Variants in STARD13 observed in about 807,000 individuals in gnomAD.
STARD13 encodes the protein StAR related lipid transfer domain containing 13.
STARD13 carries 62 observed loss-of-function variants against 106.4 expected under a neutral mutation model. That is an observed-to-expected ratio of 0.58 (90% CI 0.48 to 0.72). STARD13 has a LOEUF of 0.72. Ranked by LOEUF, STARD13 falls within the 30% of genes least tolerant of loss-of-function variation. The pLI is 0.00. For synonymous variants in STARD13, 565 were observed against 553.0 expected (o/e 1.02, Z -0.31); for missense variants, 1,387 against 1,424.0 (o/e 0.97, Z 0.42).
chr13:33,379,806 C>T, the STARD13 span, among the ~76,000 whole-genome samples: 6 of 152,220 alleles, frequency 3.9e-5, no homozygotes, highest in Admixed American at 6.5e-5. Context: ...GGTTCACATG[C>T]TTGCTTAGTC....
intron 1 of STARD13, among the ~76,000 whole-genome samples, chr13:33,230,730 G>A (rs1264857538): frequency 2.6e-5 from 4 of 152,302 alleles, no homozygotes; most frequent in South Asian, 4.1e-4. Flanking sequence ...ATTATGACAC[G>A]TAAGGTCGGT....
chr13:33,294,776 T>C (rs1171103647), intron 1 of STARD13, among the ~76,000 whole-genome samples: 2 of 152,222 alleles, frequency 1.3e-5, no homozygotes, highest in African/African-American at 4.8e-5. Context: ...GGTAGGATTC[T>C]ATAACCTCCT....
chr13:33,190,628 C>T (rs556422887), intron 1 of STARD13, among the ~76,000 whole-genome samples: 1 of 148,592 alleles, frequency 6.7e-6, no homozygotes, highest in African/African-American at 2.5e-5. Context: ...ACTCTATTGC[C>T]TAGGCTGGAG....
At chr13:33,342,222 C>A (rs2077968959) in intron 1 of STARD13, among the ~76,000 whole-genome samples, 1 of 152,146 alleles carries the variant, frequency 6.6e-6, no homozygotes, top group Non-Finnish European at 1.5e-5. Flanking sequence ...TTGGAAAAAT[C>A]AATATGCACA....
intron 1 of STARD13, among the ~76,000 whole-genome samples, chr13:33,232,099 G>A (rs1349740722): frequency 1.3e-5 from 2 of 152,170 alleles, no homozygotes; most frequent in Non-Finnish European, 2.9e-5. Flanking sequence ...GATCACCTTA[G>A]GTCAGGAGTT....
the STARD13 span, among the ~76,000 whole-genome samples, chr13:33,628,599 C>G: frequency 6.6e-6 from 1 of 152,190 alleles, no homozygotes; most frequent in Non-Finnish European, 1.5e-5. Flanking sequence ...AATCAAATCT[C>G]TTTGAAGGAC....
chr13:33,197,562 A>G (rs1473477167), intron 1 of STARD13, among the ~76,000 whole-genome samples: 5 of 152,180 alleles, frequency 3.3e-5, no homozygotes, highest in Non-Finnish European at 7.3e-5. Context: ...ATGAAGGAAC[A>G]AACTTTATAA....
At chr13:33,298,812 A>T (rs1202147206) in intron 1 of STARD13, among the ~76,000 whole-genome samples, 3 of 152,150 alleles carry the variant, frequency 2.0e-5, no homozygotes, top group African/African-American at 7.2e-5. Context: ...AGAAAGATTG[A>T]ATGGGCATGG....
chr13:33,258,301 A>G (rs954874521), intron 1 of STARD13, among the ~76,000 whole-genome samples: 3 of 152,180 alleles, frequency 2.0e-5, no homozygotes, highest in African/African-American at 7.2e-5. Context: ...TTCCATAACC[A>G]TTTTCCTAAA....
At chr13:33,393,985 C>T in the STARD13 span, among the ~76,000 whole-genome samples, 1 of 152,112 alleles carries the variant, frequency 6.6e-6, no homozygotes, top group East Asian at 1.9e-4. Flanking sequence ...TGCATGTTCT[C>T]TCCTTGAAGG....
the STARD13 span, among the ~76,000 whole-genome samples, chr13:33,499,615 T>TCTTCTTC: frequency 9.5e-5 from 8 of 84,510 alleles, no homozygotes; most frequent in Non-Finnish European, 1.7e-4. Flanking sequence ...TTCTTCTTCT[T>TCTTCTTC]CTTCTTCTTC....
At chr13:33,119,577 C>T (rs1051320071) in intron 7 of STARD13, among the ~76,000 whole-genome samples, 2 of 152,174 alleles carry the variant, frequency 1.3e-5, no homozygotes, top group Non-Finnish European at 2.9e-5. Flanking sequence ...GGGAAGGATT[C>T]CAAGCCATTA....
chr13:33,446,391 T>G, the STARD13 span, among the ~76,000 whole-genome samples: 1 of 151,824 alleles, frequency 6.6e-6, no homozygotes, highest in Non-Finnish European at 1.5e-5. Flanking sequence ...GATCACAATT[T>G]CCTCACATAT....
chr13:33,183,262 A>T (rs886082681), intron 1 of STARD13, among the ~76,000 whole-genome samples: 2 of 152,222 alleles, frequency 1.3e-5, no homozygotes, highest in Non-Finnish European at 2.9e-5. Context: ...TGCCTAGCAG[A>T]GTGCTCGGAG....
intron 1 of STARD13, among the ~76,000 whole-genome samples, chr13:33,337,475 AAT>A (rs1256058007): frequency 1.3e-5 from 2 of 152,238 alleles, no homozygotes; most frequent in Non-Finnish European, 2.9e-5. Context: ...TATTTGCTTC[AAT>A]ATATGTCATA....
the STARD13 span, among the ~76,000 whole-genome samples, chr13:33,510,301 T>A: frequency 0.52 from 79,299 of 151,950 alleles, 21,955 homozygotes; most frequent in African/African-American, 0.72. Context: ...AGGTAGGGAA[T>A]TTTTTCTGGT....
the STARD13 span, among the ~76,000 whole-genome samples, chr13:33,514,156 T>C: frequency 6.6e-6 from 1 of 152,092 alleles, no homozygotes; most frequent in Non-Finnish European, 1.5e-5. Context: ...AAATAAACAG[T>C]TGGGAAAATA....
intron 4 of STARD13, among the ~76,000 whole-genome samples, chr13:33,134,982 A>G (rs561512468): frequency 6.6e-6 from 1 of 152,346 alleles, no homozygotes; most frequent in South Asian, 2.1e-4. Context: ...ATGCATGACC[A>G]GAGCATAGAT....
intron 4 of STARD13, among the ~76,000 whole-genome samples, chr13:33,141,853 G>A (rs1333333028): frequency 6.6e-6 from 1 of 151,200 alleles, no homozygotes; most frequent in Non-Finnish European, 1.5e-5. Context: ...ATAAAGCACC[G>A]AGATATTTTA....
Sources: allele counts gnomAD v4.1 joint callset (sites outside exome capture counted in the v4.1 genomes callset), GRCh38; gene constraint gnomAD v4.1.1; transcripts MANE v1.5; gene names NCBI Gene and HGNC (gene_info 2026-07-23, HGNC 2026-07-21).